Variants in SGSM2 observed in about 807,000 individuals in gnomAD.
The protein encoded by SGSM2 is RUN and TBC1 domain containing 1.
In SGSM2, 89 loss-of-function variants were observed where a neutral mutation model predicts 126.6. That is an observed-to-expected ratio of 0.70 (90% CI 0.59 to 0.84). SGSM2 has a LOEUF of 0.84. SGSM2 is among the 40% of genes least tolerant of loss of function. The pLI, the probability that SGSM2 is intolerant of heterozygous loss-of-function variation, is 0.00. For synonymous variants in SGSM2, 614 were observed against 574.3 expected (o/e 1.07, Z -0.99); for missense variants, 1,404 against 1,416.6 (o/e 0.99, Z 0.14).
At position 2,372,603 on chromosome 17, in the gene SGSM2, G is replaced by C. The variant is rs1475782602; in HGVS notation, c.1788+115G>C. On this transcript the variant is annotated intron_variant, in intron 15 of 23. Coordinates refer to ENST00000268989, the MANE Select transcript of SGSM2 (RefSeq NM_014853.3). The surrounding 1 kb of genome is among the most constrained non-coding windows in gnomAD (Gnocchi z 6.0). The stretch of plus-strand genomic sequence containing the variant: ...GTTGACAGGCCAGGGCCGATGCCAC[G>C]GAGTGACCAGGGTCCCGGCAGAATC... 1 of 1,378,914 alleles carries C rather than the reference G, an allele frequency of 7.3e-7. No individual in the cohort carries two copies. The highest frequency in any genetic ancestry group is 9.9e-7 in the Non-Finnish European group (1 of 1,007,558). The allele number at this position is 1,378,914 out of a possible 1,614,324, so 85.4% of individuals were successfully genotyped here.
At position 2,372,173 on chromosome 17, in the gene SGSM2, C is replaced by T; in HGVS notation, c.1578-17C>T. On this transcript the variant is annotated splice_polypyrimidine_tract_variant and intron_variant, in intron 13 of 23. Transcript: ENST00000268989. The surrounding 1 kb of genome is among the most constrained non-coding windows in gnomAD (Gnocchi z 6.0). The stretch of plus-strand genomic sequence containing the variant: ...GGGGCCGCAGCCCCTCCCTGCTGAG[C>T]CCGGTTGTTGCCACAGGTTGCCGCT... 6.2e-7 allele frequency: 1 copy of T among 1,613,156 alleles called. No individual in the cohort carries two copies. Among genetic ancestry groups the T allele is most frequent in the Non-Finnish European group, 8.5e-7 (1 of 1,179,750 alleles).
intron 22 of SGSM2, among the ~76,000 whole-genome samples, chr17:2,378,536 A>G (rs954645897): frequency 4.6e-4 from 69 of 151,510 alleles, no homozygotes; most frequent in African/African-American, 1.6e-3. Context: ...GTCTCAAAAA[A>G]AAAAAAAGAA....
Position 2,337,840 on chromosome 17 carries a change from C to G in SGSM2, c.57+95C>G, listed in dbSNP as rs538839102. On this transcript the variant is annotated intron_variant, in intron 1 of 23. Transcript: ENST00000268989. The surrounding 1 kb of genome is among the most constrained non-coding windows in gnomAD (Gnocchi z 5.1). Reference sequence around the variant, plus strand: ...GCGCCCACCCCCCGGCGCGGGCACCCGGGCCGAACCTGGGCCGGGCGGGGC... The same window carrying G: ...GCGCCCACCCCCCGGCGCGGGCACCGGGGCCGAACCTGGGCCGGGCGGGGC... 2.3e-6 allele frequency: 2 copies of G among 879,156 alleles called. No individual in the cohort carries two copies. The highest frequency in any genetic ancestry group is 1.8e-5 in the African/African-American group (1 of 55,112). 54.5% of individuals were successfully genotyped at this position (879,156 alleles called of 1,614,324 possible).
rs1423742292 is a variant in SGSM2 at position 2,364,044 on chromosome 17, T to C, written c.808-15T>C. Reference sequence around the variant, plus strand: ...CAGCCCTTCATCGTCGGTCTTCCGGTGTCTCCCGCTGTAGAAGGAGGATAT... The same window carrying C: ...CAGCCCTTCATCGTCGGTCTTCCGGCGTCTCCCGCTGTAGAAGGAGGATAT... On this transcript the variant is annotated splice_polypyrimidine_tract_variant and intron_variant, in intron 7 of 23. Coordinates refer to ENST00000268989, the MANE Select transcript of SGSM2 (RefSeq NM_014853.3). The C allele has an allele frequency of 6.2e-7, 1 of 1,613,974 alleles. No individual in the cohort carries two copies. The highest frequency in any genetic ancestry group is 8.5e-7 in the Non-Finnish European group (1 of 1,179,984).
intron 2 of SGSM2, among the ~76,000 whole-genome samples, chr17:2,345,884 T>C (rs1315770364): frequency 1.3e-5 from 2 of 152,168 alleles, no homozygotes; most frequent in Non-Finnish European, 2.9e-5. Context: ...AAACTGAGGC[T>C]CGTTGAAAGC....
In SGSM2 at chr17:2,379,055, G is replaced by A. The variant is rs201258847; in HGVS notation, c.2919G>A (p.Val973=). 1 of 1,614,206 alleles carries A rather than the reference G, an allele frequency of 6.2e-7. No individual in the cohort carries two copies. The highest frequency in any genetic ancestry group is 2.2e-5 in the East Asian group (1 of 44,888). The stretch of plus-strand genomic sequence containing the variant: ...CCGCAGAACTGCTGTATGAGGATGT[G>A]TTTGCTGTGTGGGAGGTGATCTGGG... ...DFKRELLYED[V]FAVWEVIWAA... Residue 973 remains valine, a synonymous_variant, in exon 23 of 24, where the codon GTG becomes GTA. Coordinates refer to ENST00000268989, the MANE Select transcript of SGSM2 (RefSeq NM_014853.3).
rs202047120 is a variant in SGSM2, at chr17:2,371,410, C to T, written c.1572C>T (p.Pro524=). The T allele has an allele frequency of 1.0e-4, 162 of 1,597,438 alleles. 1 individual carries two copies. The highest frequency in any genetic ancestry group is 9.4e-4 in the Admixed American group (55 of 58,304). ...HATPSHCSCI[P]DRLPLRLLCE... is the part of the protein sequence containing the mutation. ...CCCCCAGCCACTGTAGCTGCATCCCCGACCGGTGAGTGGGCAGCGCTCGGC... is the reference window on the plus strand; with the variant it reads ...CCCCCAGCCACTGTAGCTGCATCCCTGACCGGTGAGTGGGCAGCGCTCGGC... Residue 524 remains proline (P), a synonymous_variant, in exon 13 of 24, where the codon CCC becomes CCT. Transcript: ENST00000268989.
intron 1 of SGSM2, among the ~76,000 whole-genome samples, chr17:2,342,770 C>T (rs896272332): frequency 3.9e-5 from 6 of 151,938 alleles, no homozygotes; most frequent in African/African-American, 1.5e-4. Flanking sequence ...TGAGGTCAGG[C>T]GTTCAAGACC....
intron 2 of SGSM2, among the ~76,000 whole-genome samples, chr17:2,344,714 A>G (rs202059269): frequency 1.2e-5 from 1 of 83,134 alleles, no homozygotes; most frequent in African/African-American, 4.3e-5. Context: ...AAGAAAAAAC[A>G]TGTGGGAGGG....
In SGSM2 at chr17:2,361,625, T is replaced by G; in HGVS notation, c.134-12T>G. 6.2e-7 allele frequency: 1 copy of G among 1,612,938 alleles called. No individual in the cohort carries two copies. Among genetic ancestry groups the G allele is most frequent in the Non-Finnish European group, 8.5e-7 (1 of 1,179,718 alleles). On this transcript the variant is annotated splice_polypyrimidine_tract_variant and intron_variant, in intron 2 of 23. Transcript: ENST00000268989. ...TTCCCAGGCTCAGATGCCGTTTCCC[T>G]TTGTGGCCTAGGTGCAGTGGAGGCT...
chr17:2,368,840 G>A (rs1430492024), intron 12 of SGSM2, among the ~76,000 whole-genome samples: 1 of 152,206 alleles, frequency 6.6e-6, no homozygotes, highest in East Asian at 1.9e-4. Context: ...GAGCTCTGAG[G>A]GGACCCACGG....
chr17:2,371,139 CTG>C, intron 12 of SGSM2, 121 bp from the exon 13 acceptor site: 1 of 1,137,984 alleles, frequency 8.8e-7, no homozygotes, highest in Non-Finnish European at 1.2e-6. Flanking sequence ...GGCCCCACCT[CTG>C]TGATTTTCCA....
Position 2,367,308 on chromosome 17 carries a change from G to A in SGSM2, c.1326G>A (p.Ala442=), listed in dbSNP as rs754513850. ...ACCACCACCTAGCGGCCAGCCGCGCGGCCTCGGTGGACGATGATGAGGAAG... is the reference window on the plus strand; with the variant it reads ...ACCACCACCTAGCGGCCAGCCGCGCAGCCTCGGTGGACGATGATGAGGAAG... ...INYHHLAASR[A]ASVDDDEEEE... is the part of the protein sequence containing the mutation. Residue 442 remains alanine, a synonymous_variant, in exon 12 of 24, where the codon GCG becomes GCA. Transcript: ENST00000268989. This position sits in a 1 kb window ranked among gnomAD's most constrained non-coding sequence, Gnocchi z 4.0. 24 of 1,613,964 alleles carry A rather than the reference G, an allele frequency of 1.5e-5. No homozygotes were observed. The highest frequency in any genetic ancestry group is 5.3e-5 in the African/African-American group (4 of 74,938).
At chr17:2,376,349 C>G (rs1267935725) in intron 19 of SGSM2, 88 bp downstream of exon 19, 1 of 1,538,214 alleles carries the variant, frequency 6.5e-7, no homozygotes, top group Non-Finnish European at 8.8e-7. Flanking sequence ...TGCCCTGCTC[C>G]TCTCTCCTGC....
chr17:2,364,822 G>T, intron 9 of SGSM2, 75 bp from the exon 10 acceptor site: 1 of 1,584,904 alleles, frequency 6.3e-7, no homozygotes, highest in East Asian at 2.2e-5. Context: ...CTCCTACCCA[G>T]CCTGGGGGCA....
chr17:2,373,663 A>C (rs1198056951), intron 17 of SGSM2, 150 bp downstream of exon 17: 1 of 670,620 alleles, frequency 1.5e-6, no homozygotes, highest in East Asian at 2.7e-5. Flanking sequence ...CTCCAACTGG[A>C]AATGGCTAAC....
intron 2 of SGSM2, among the ~76,000 whole-genome samples, chr17:2,360,761 T>C (rs2065275076): frequency 6.6e-6 from 1 of 152,222 alleles, no homozygotes; most frequent in Admixed American, 6.5e-5. Flanking sequence ...CTCCCCTCAG[T>C]GTCCCTGCCC....
intron 1 of SGSM2, among the ~76,000 whole-genome samples, chr17:2,340,828 C>T (rs949778138): frequency 6.6e-6 from 1 of 152,068 alleles, no homozygotes; most frequent in Non-Finnish European, 1.5e-5. Context: ...TCGTGATCCG[C>T]CCACCTTGGC....
Position 2,362,063 on chromosome 17 carries a change from T to C in SGSM2, c.297-46T>C, listed in dbSNP as rs202200105. ...ACTCCCAATGCCAGCATTCTGGGGTTTACCCCTAGACCACTGCACTCCTGG... is the reference window on the plus strand; with the variant it reads ...ACTCCCAATGCCAGCATTCTGGGGTCTACCCCTAGACCACTGCACTCCTGG... On this transcript the variant is annotated intron_variant, in intron 3 of 23. Coordinates refer to ENST00000268989, the MANE Select transcript of SGSM2 (RefSeq NM_014853.3). This position sits in a 1 kb window ranked among gnomAD's most constrained non-coding sequence, Gnocchi z 4.9. 7 of 1,572,590 alleles carry C rather than the reference T, an allele frequency of 4.5e-6. No homozygotes were observed. In the Admixed American group the frequency reaches 1.4e-4, roughly 30 times the overall value.
Sources: gnomAD v4.1 joint callset for allele counts (sites outside exome capture counted in the v4.1 genomes callset) on GRCh38, gnomAD v4.1.1 for gene constraint, Gnocchi (gnomAD v3.1) non-coding constraint, MANE v1.5 for transcripts, NCBI Gene and HGNC (gene_info 2026-07-23, HGNC 2026-07-21) for gene names.